The following MYO7A variants were observed in gnomAD, a reference collection of about 807,000 sequenced individuals.
MYO7A encodes unconventional myosin-VIIa.
A neutral mutation model predicts 263.8 loss-of-function variants in MYO7A; 210 were observed. That is an observed-to-expected ratio of 0.80 (90% CI 0.71 to 0.89). The LOEUF is 0.89. Ranked by LOEUF, MYO7A falls within the 40% of genes least tolerant of loss-of-function variation. MYO7A has a pLI of 0.00. For synonymous variants in MYO7A, 1,239 were observed against 1,197.3 expected, an observed-to-expected ratio of 1.03 and a Z score of -0.72; for missense variants, 2,820 against 2,968.3, an observed-to-expected ratio of 0.95 and a Z score of 1.16.
At chr11:77,190,283 T>A in intron 29 of MYO7A, 144 bp downstream of exon 29, 1 of 896,624 alleles carries the variant, frequency 1.1e-6, no homozygotes, top group Non-Finnish European at 1.6e-6. Flanking sequence ...TACCCTCAAG[T>A]TCTGGAACCC....
intron 44 of MYO7A, chr11:77,210,937 A>G (rs1033272829): frequency 1.9e-5 from 10 of 535,422 alleles, no homozygotes; most frequent in Non-Finnish European, 3.0e-5. Context: ...ATGCACTCCA[A>G]CTGCCAACTG....
chr11:77,184,104 G>A, intron 26 of MYO7A, among the ~76,000 whole-genome samples: 1 of 152,184 alleles, frequency 6.6e-6, no homozygotes, highest in Non-Finnish European at 1.5e-5. Context: ...GGATGAGAGA[G>A]GAGAAACATC....
rs1555090354 is a variant in MYO7A at position 77,189,410 on chromosome 11, G to T, written c.3570G>T (p.Arg1190=). The T allele has an allele frequency of 1.2e-6, 2 of 1,613,814 alleles. No individual in the cohort carries two copies. The highest frequency in any genetic ancestry group is 1.7e-6 in the Non-Finnish European group (2 of 1,179,900). ...THNPSKSSYA[R]GWILVSLCVG... ...ACCCCTCCAAGAGCAGCTATGCCCG[G>T]GGCTGGATTCTCGTGTCTCTCTGCG... The change falls in exon 28 of 49, where the codon CGG becomes CGT. Residue 1190 remains arginine (R), a synonymous_variant. Coordinates refer to ENST00000409709, the MANE Select transcript of MYO7A (RefSeq NM_000260.4).
intron 2 of MYO7A, among the ~76,000 whole-genome samples, chr11:77,137,293 G>A (rs1332894368): frequency 6.6e-6 from 1 of 152,174 alleles, no homozygotes; most frequent in Non-Finnish European, 1.5e-5. Flanking sequence ...CATCCTGGGT[G>A]GCTCTGAGCC....
chr11:77,175,472 C>G lies in MYO7A; in HGVS notation c.2187+8C>G, dbSNP rs782525477. ...ACCAAGATCTTTCTGAAGGTGAGCA[C>G]AGATGCCTTCCCTGGGCTGCCCTGG... On this transcript the variant is annotated splice_region_variant and intron_variant, in intron 18 of 48. Coordinates refer to ENST00000409709, the MANE Select transcript of MYO7A (RefSeq NM_000260.4). 2 of 1,612,608 alleles carry G rather than the reference C, an allele frequency of 1.2e-6. No individual in the cohort carries two copies. Among genetic ancestry groups the G allele is most frequent in the South Asian group, 2.2e-5 (2 of 91,084 alleles).
chr11:77,158,143 A>T, intron 8 of MYO7A, 134 bp from the exon 9 acceptor site: 1 of 828,716 alleles, frequency 1.2e-6, no homozygotes, highest in Non-Finnish European at 1.7e-6. Flanking sequence ...TCACCGGGTG[A>T]GGTCAGCGCC....
rs1555085375 is a variant in MYO7A at position 77,182,420 on chromosome 11, C to T, written c.3109-4C>T. 6.2e-7 allele frequency: 1 copy of T among 1,611,042 alleles called. No individual in the cohort carries two copies. Among genetic ancestry groups the T allele is most frequent in the Non-Finnish European group, 8.5e-7 (1 of 1,178,700 alleles). On this transcript the variant is annotated splice_region_variant and splice_polypyrimidine_tract_variant and intron_variant, in intron 24 of 48. Coordinates refer to ENST00000409709, the MANE Select transcript of MYO7A (RefSeq NM_000260.4). ...TGGCCTCTGACATGCGCGCTCTGCC[C>T]CAGGCAGCCCTGGCGGTCTGGATCA...
intron 15 of MYO7A, among the ~76,000 whole-genome samples, chr11:77,167,865 C>T (rs1206577157): frequency 2.0e-5 from 3 of 152,246 alleles, no homozygotes; most frequent in Non-Finnish European, 1.5e-5. Flanking sequence ...CTGGAAGAAC[C>T]TCCCGCCCCC....
intron 8 of MYO7A, 40 bp downstream of exon 8, chr11:77,157,432 C>T: frequency 2.1e-6 from 3 of 1,419,404 alleles, no homozygotes; most frequent in Non-Finnish European, 2.0e-6. Context: ...GGGCACCCAC[C>T]CTAGGATTGT....
chr11:77,146,436 G>A (rs1250761174), intron 3 of MYO7A, among the ~76,000 whole-genome samples: 3 of 152,178 alleles, frequency 2.0e-5, no homozygotes, highest in Admixed American at 1.3e-4. Context: ...AAGAGGCCGG[G>A]GCCGGGCCAG....
chr11:77,159,409 C>T, intron 9 of MYO7A, 38 bp from the exon 10 acceptor site: 2 of 1,117,462 alleles, frequency 1.8e-6, no homozygotes, highest in South Asian at 1.3e-5. Context: ...TGTTGCCCAC[C>T]CTCCCTCCCC....
In MYO7A at chr11:77,157,325, G is replaced by A. The variant is rs1171236350; in HGVS notation, c.782G>A (p.Gly261Asp). Residue 261 changes from glycine to aspartate, a missense_variant, in exon 8 of 49, where the codon GGT becomes GAT. Transcript: ENST00000409709. Reference sequence around the variant, plus strand: ...CACGTGTTCTACTGCATGCTGGAGGGTATGAGTGAGGATCAGAAGAAGAAG... The same window carrying A: ...CACGTGTTCTACTGCATGCTGGAGGATATGAGTGAGGATCAGAAGAAGAAG... ...NYHVFYCMLEGMSEDQKKKLG... is the reference protein window; with the variant it reads ...NYHVFYCMLEDMSEDQKKKLG... The A allele has an allele frequency of 8.1e-6, 13 of 1,612,604 alleles. No individual in the cohort carries two copies. Among genetic ancestry groups the A allele is most frequent in the Non-Finnish European group, 1.1e-5 (13 of 1,179,368 alleles).
chr11:77,171,175 G>A (rs113413214), intron 15 of MYO7A, among the ~76,000 whole-genome samples: 27 of 152,242 alleles, frequency 1.8e-4, no homozygotes, highest in African/African-American at 6.0e-4. Flanking sequence ...GCGTGCGCGT[G>A]TGTGTACACG....
At chr11:77,191,012 C>A in intron 30 of MYO7A, 142 bp downstream of exon 30, 1 of 972,892 alleles carries the variant, frequency 1.0e-6, no homozygotes, top group Non-Finnish European at 1.5e-6. Flanking sequence ...ATTGGCTCTG[C>A]CTGACTCCTC....
chr11:77,180,766 G>A (rs1008361988), intron 22 of MYO7A, among the ~76,000 whole-genome samples: 6 of 152,192 alleles, frequency 3.9e-5, no homozygotes, highest in African/African-American at 1.4e-4. Flanking sequence ...CAAGCCAGCT[G>A]ACGGCACGAG....
chr11:77,198,837 T>C (rs1347255578), intron 34 of MYO7A, among the ~76,000 whole-genome samples: 1 of 152,182 alleles, frequency 6.6e-6, no homozygotes, highest in Non-Finnish European at 1.5e-5. Flanking sequence ...GAGACAGGAA[T>C]GGGCTGTCAG....
intron 16 of MYO7A, 70 bp from the exon 17 acceptor site, chr11:77,174,686 T>TC (rs1555078751): frequency 6.7e-7 from 1 of 1,495,026 alleles, no homozygotes; most frequent in African/African-American, 1.4e-5. Context: ...TCTGGGTTGG[T>TC]CAAGTGCACA....
chr11:77,174,015 T>C (rs546406119), intron 16 of MYO7A, among the ~76,000 whole-genome samples: 5 of 152,088 alleles, frequency 3.3e-5, no homozygotes, highest in Admixed American at 2.0e-4. Flanking sequence ...CCTGCCTCCC[T>C]TGCCTCCTGT....
At chr11:77,204,043 A>G in intron 38 of MYO7A, 33 bp from the exon 39 acceptor site, 1 of 1,571,010 alleles carries the variant, frequency 6.4e-7, no homozygotes, top group Non-Finnish European at 8.7e-7. Flanking sequence ...TGCTCCCTCT[A>G]TTCGGCACAA....
Sources: gnomAD v4.1 joint callset for allele counts (sites outside exome capture counted in the v4.1 genomes callset) on GRCh38, gnomAD v4.1.1 for gene constraint, MANE v1.5 for transcripts, NCBI Gene and HGNC (gene_info 2026-07-23, HGNC 2026-07-21) for gene names.